MEGF11: variants seen among roughly 807,000 people sequenced by gnomAD.
MEGF11 encodes multiple EGF like domains 11, also known as multiple epidermal growth factor-like domains protein 11.
MEGF11 carries 126 observed loss-of-function variants against 146.6 expected under a neutral mutation model. That is an observed-to-expected ratio of 0.86 (90% CI 0.74 to 1.00). The LOEUF (loss-of-function observed/expected upper bound fraction) is 1.00. Among genes scored for constraint, MEGF11 ranks in the 50% least tolerant of loss-of-function variants. MEGF11 has a pLI of 0.00. For synonymous variants in MEGF11, 532 were observed against 583.4 expected (o/e 0.91, Z 1.27); for missense variants, 1,509 against 1,521.2 (o/e 0.99, Z 0.13).
At chr15:66,253,234 G>A (rs1326595293) in intron 1 of MEGF11, among the ~76,000 whole-genome samples, 2 of 152,180 alleles carry the variant, frequency 1.3e-5, no homozygotes, top group Non-Finnish European at 2.9e-5. Context: ...ACTCAAGGGG[G>A]CGGACGGGCG....
chr15:66,119,308 A>G, intron 3 of MEGF11, 122 bp from the exon 4 acceptor site: 1 of 676,468 alleles, frequency 1.5e-6, no homozygotes, highest in South Asian at 1.9e-5. Context: ...ATGCATGGCG[A>G]CTTCAAATAT....
chr15:65,938,829 C>T (rs2079878260), intron 10 of MEGF11, among the ~76,000 whole-genome samples: 1 of 152,222 alleles, frequency 6.6e-6, no homozygotes, highest in Non-Finnish European at 1.5e-5. Flanking sequence ...CAGGCCCAGA[C>T]CCCGGTGGGT....
intron 10 of MEGF11, among the ~76,000 whole-genome samples, chr15:65,933,094 A>G (rs1172350594): frequency 6.6e-6 from 1 of 152,054 alleles, no homozygotes; most frequent in Non-Finnish European, 1.5e-5. Context: ...GCTTCTCTCC[A>G]GCCCTTTTCT....
At chr15:66,072,596 A>G (rs2085413925) in intron 5 of MEGF11, among the ~76,000 whole-genome samples, 1 of 152,238 alleles carries the variant, frequency 6.6e-6, no homozygotes, top group Non-Finnish European at 1.5e-5. Flanking sequence ...TAAATAAGTG[A>G]CATGTATTCC....
At chr15:66,081,131 T>C (rs1389571077) in intron 5 of MEGF11, among the ~76,000 whole-genome samples, 1 of 152,158 alleles carries the variant, frequency 6.6e-6, no homozygotes, top group Admixed American at 6.5e-5. Context: ...GGCGAGGATG[T>C]GATCACAAGG....
In MEGF11 at chr15:66,192,577, A is replaced by G. The variant is rs1006225210; in HGVS notation, c.-9+61028T>C. ...GGATATAGGTTTTATAATTACCCCA[A>G]TTTACCAATGAGAAAAACTGAGGTT... On this transcript the variant is annotated intron_variant, in intron 1 of 25. Coordinates refer to ENST00000395614, the MANE Select transcript of MEGF11 (RefSeq NM_001385028.1). Among the ~76,000 whole-genome samples, 58 of 152,146 alleles carry G rather than the reference A, an allele frequency of 3.8e-4. 1 individual carries two copies. The highest frequency in any genetic ancestry group is 8.8e-5 in the Non-Finnish European group (6 of 68,036).
At chr15:65,996,307 C>G (rs189630920) in intron 5 of MEGF11, among the ~76,000 whole-genome samples, 78 of 152,290 alleles carry the variant, frequency 5.1e-4, no homozygotes, top group Non-Finnish European at 8.8e-5. Context: ...TTGGGCACCT[C>G]TGCTCACAGC....
Position 66,031,053 on chromosome 15 carries a change from T to C in MEGF11, c.395-48565A>G, listed in dbSNP as rs149731874. On this transcript the variant is annotated intron_variant, in intron 5 of 25. Coordinates refer to ENST00000395614, the MANE Select transcript of MEGF11 (RefSeq NM_001385028.1). Reference sequence around the variant, plus strand: ...TATCAGCCTGATAGGATAAAGCAAATACCTTGTCCAAGCAGAGGGAAGTGG... The same window carrying C: ...TATCAGCCTGATAGGATAAAGCAAACACCTTGTCCAAGCAGAGGGAAGTGG... Among the ~76,000 whole-genome samples the C allele has an allele frequency of 5.9e-3, 902 of 152,184 alleles. 5 individuals are homozygous for C. The highest frequency in any genetic ancestry group is 7.9e-3 in the Non-Finnish European group (539 of 68,000).
intron 24 of MEGF11, among the ~76,000 whole-genome samples, chr15:65,899,919 A>C (rs988935254): frequency 1.2e-4 from 18 of 152,130 alleles, no homozygotes; most frequent in African/African-American, 4.3e-4. Flanking sequence ...GAAATGAGGT[A>C]CTGTAGTTTC....
At chr15:66,104,548 C>G (rs951663075) in intron 4 of MEGF11, among the ~76,000 whole-genome samples, 1 of 152,196 alleles carries the variant, frequency 6.6e-6, no homozygotes, top group Admixed American at 6.5e-5. Flanking sequence ...TTGCATTTTT[C>G]CATTTTAAAC....
chr15:65,909,892 C>T lies in MEGF11; in HGVS notation c.2830-86G>A, dbSNP rs763785448. 3.8e-5 allele frequency: 45 copies of T among 1,196,258 alleles called. No homozygotes were observed. The South Asian group carries it at 5.8e-4, about 16-fold the overall frequency. The allele number at this position is 1,196,258 out of a possible 1,614,324, so 74.1% of individuals were successfully genotyped here. Reference sequence around the variant, plus strand: ...TCACTTTGCGTAGCTTCAGTGCACACACCCTGTAATAATCCTGACCCACCT... The same window carrying T: ...TCACTTTGCGTAGCTTCAGTGCACATACCCTGTAATAATCCTGACCCACCT... On this transcript the variant is annotated intron_variant, in intron 21 of 25. Transcript: ENST00000395614.
At chr15:66,242,604 A>G (rs2140242909) in intron 1 of MEGF11, among the ~76,000 whole-genome samples, 1 of 152,240 alleles carries the variant, frequency 6.6e-6, no homozygotes, top group South Asian at 2.1e-4. Flanking sequence ...TGATATGCTC[A>G]TGCCTATCCA....
At chr15:66,149,205 G>A (rs2089476472) in intron 1 of MEGF11, among the ~76,000 whole-genome samples, 1 of 152,184 alleles carries the variant, frequency 6.6e-6, no homozygotes, top group African/African-American at 2.4e-5. Context: ...AGCCTCTACT[G>A]GAAGAATCAT....
intron 5 of MEGF11, among the ~76,000 whole-genome samples, chr15:66,046,284 C>A (rs8043092): frequency 0.017 from 2,658 of 152,308 alleles, 79 homozygotes; most frequent in African/African-American, 0.059. Context: ...CCTTAACGTA[C>A]ACCCAGGATC....
chr15:66,042,974 G>A (rs2084047786), intron 5 of MEGF11, among the ~76,000 whole-genome samples: 1 of 152,194 alleles, frequency 6.6e-6, no homozygotes, highest in East Asian at 1.9e-4. Context: ...ACATAATTCA[G>A]CCTGTAACAG....
chr15:66,066,234 C>T (rs747062732), intron 5 of MEGF11, among the ~76,000 whole-genome samples: 4 of 152,070 alleles, frequency 2.6e-5, no homozygotes, highest in Non-Finnish European at 5.9e-5. Flanking sequence ...GCAGGGTAGG[C>T]AAGAGGAGGC....
intron 1 of MEGF11, among the ~76,000 whole-genome samples, chr15:66,235,706 C>T (rs1206899121): frequency 6.6e-6 from 1 of 152,116 alleles, no homozygotes; most frequent in Non-Finnish European, 1.5e-5. Flanking sequence ...CCAGAAGAGC[C>T]TGGGTCCTCC....
At chr15:65,903,229 G>T (rs571410462) in intron 24 of MEGF11, among the ~76,000 whole-genome samples, 1 of 152,324 alleles carries the variant, frequency 6.6e-6, no homozygotes, top group South Asian at 2.1e-4. Context: ...GAGCACACAG[G>T]TGGGGAAAGT....
rs373502215 is a variant in MEGF11 at position 66,041,000 on chromosome 15, G to C, written c.394+53402C>G. ...CCGAGACCATGCCTGTTTGGTCCTG[G>C]CTATATCTCTCTCAGTACATGTTTG... On this transcript the variant is annotated intron_variant, in intron 5 of 25. Coordinates refer to ENST00000395614, the MANE Select transcript of MEGF11 (RefSeq NM_001385028.1). 2.0e-5 allele frequency among the ~76,000 whole-genome samples: 3 copies of C among 151,932 alleles called. No homozygotes were observed. In the South Asian group the frequency reaches 6.3e-4, roughly 32 times the overall value.
Sources: allele counts gnomAD v4.1 joint callset (sites outside exome capture counted in the v4.1 genomes callset), GRCh38; gene constraint gnomAD v4.1.1; transcripts MANE v1.5; gene names NCBI Gene and HGNC (gene_info 2026-07-23, HGNC 2026-07-21).